The following IFT25 variants were observed in gnomAD, a reference collection of about 807,000 sequenced individuals.
IFT25 encodes the protein intraflagellar transport protein 25 homolog.
chr1:53,931,440 G>A, the IFT25 span, among the ~76,000 whole-genome samples: 1 of 152,270 alleles, frequency 6.6e-6, no homozygotes. Context: ...TCAGGATAAT[G>A]TTGTTCTCAT....
At chr1:53,911,772 G>A in the IFT25 span, among the ~76,000 whole-genome samples, 1 of 152,078 alleles carries the variant, frequency 6.6e-6, no homozygotes, top group Non-Finnish European at 1.5e-5. Flanking sequence ...CTGCCAGCTG[G>A]GTGACTTTGA....
the IFT25 span, among the ~76,000 whole-genome samples, chr1:53,921,982 A>T: frequency 6.6e-6 from 1 of 152,186 alleles, no homozygotes; most frequent in Non-Finnish European, 1.5e-5. Flanking sequence ...TGCAACTCTC[A>T]TTTTTTGTAG....
the IFT25 span, among the ~76,000 whole-genome samples, chr1:53,939,263 C>T: frequency 2.0e-5 from 3 of 148,444 alleles, no homozygotes; most frequent in Admixed American, 6.7e-5. Flanking sequence ...TGGTAGTGCA[C>T]GCCTGTAGTC....
chr1:53,941,592 A>G, the IFT25 span, among the ~76,000 whole-genome samples: 1 of 152,226 alleles, frequency 6.6e-6, no homozygotes. Flanking sequence ...TTGATACCAG[A>G]GAACCAGTCA....
chr1:53,941,754 A>G, the IFT25 span, among the ~76,000 whole-genome samples: 1 of 152,214 alleles, frequency 6.6e-6, no homozygotes, highest in African/African-American at 2.4e-5. Context: ...AAATGTAACC[A>G]AGGAAGTACT....
At chr1:53,934,559 C>T in the IFT25 span, among the ~76,000 whole-genome samples, 1 of 152,076 alleles carries the variant, frequency 6.6e-6, no homozygotes, top group Non-Finnish European at 1.5e-5. Context: ...AAAAATTCAG[C>T]TCAAAAGTAG....
the IFT25 span, chr1:53,916,966 A>AC: frequency 6.6e-6 from 2 of 305,222 alleles, no homozygotes; most frequent in Non-Finnish European, 1.2e-5. Flanking sequence ...ACATGGCAAA[A>AC]CCCCATCTTT....
the IFT25 span, chr1:53,929,802 G>A: frequency 1.1e-5 from 5 of 473,826 alleles, no homozygotes; most frequent in South Asian, 1.2e-4. Context: ...GAAGGGTTTC[G>A]AATTTGCAGT....
chr1:53,942,039 C>A, the IFT25 span, among the ~76,000 whole-genome samples: 7 of 152,276 alleles, frequency 4.6e-5, no homozygotes, highest in South Asian at 1.2e-3. Flanking sequence ...CTATCCTTAT[C>A]CTACTCAACA....
the IFT25 span, among the ~76,000 whole-genome samples, chr1:53,913,401 C>T: frequency 6.6e-6 from 1 of 152,178 alleles, no homozygotes; most frequent in Non-Finnish European, 1.5e-5. Context: ...GGCTCTGCTT[C>T]TAGAGAACCT....
the IFT25 span, among the ~76,000 whole-genome samples, chr1:53,924,531 A>T: frequency 6.6e-6 from 1 of 152,216 alleles, no homozygotes; most frequent in African/African-American, 2.4e-5. Flanking sequence ...GAAAGATTTA[A>T]TTGCTATAAT....
At chr1:53,916,533 G>A in the IFT25 span, 1 of 163,952 alleles carries the variant, frequency 6.1e-6, no homozygotes, top group Non-Finnish European at 1.3e-5. Flanking sequence ...TACACAAAGA[G>A]TTATTGCCAT....
chr1:53,933,036 T>C, the IFT25 span, among the ~76,000 whole-genome samples: 1 of 152,228 alleles, frequency 6.6e-6, no homozygotes, highest in African/African-American at 2.4e-5. Context: ...TGTGAATTTG[T>C]CTATTTCTCC....
At chr1:53,918,060 T>C in the IFT25 span, among the ~76,000 whole-genome samples, 2 of 152,212 alleles carry the variant, frequency 1.3e-5, no homozygotes, top group Non-Finnish European at 2.9e-5. Context: ...GGCTAGGTTA[T>C]ACTGTGGTAA....
chr1:53,920,336 A>G, the IFT25 span, among the ~76,000 whole-genome samples: 1 of 150,460 alleles, frequency 6.6e-6, no homozygotes, highest in Non-Finnish European at 1.5e-5. Flanking sequence ...TTCACTTTTA[A>G]ATATATTCAG....
chr1:53,927,612 T>C, the IFT25 span, among the ~76,000 whole-genome samples: 58 of 152,344 alleles, frequency 3.8e-4, no homozygotes, highest in African/African-American at 1.2e-3. Context: ...TAGAGTCTGA[T>C]TACTCTGTAA....
chr1:53,920,119 TATC>T, the IFT25 span, among the ~76,000 whole-genome samples: 1 of 152,186 alleles, frequency 6.6e-6, no homozygotes, highest in Non-Finnish European at 1.5e-5. Flanking sequence ...TCTCTAATTC[TATC>T]ATATCTTCCA....
the IFT25 span, among the ~76,000 whole-genome samples, chr1:53,922,674 C>T: frequency 1.3e-5 from 2 of 151,952 alleles, 1 homozygote; most frequent in East Asian, 3.9e-4. Flanking sequence ...CTGTGTATTA[C>T]AGAGGGGACA....
At chr1:53,931,172 G>A in the IFT25 span, among the ~76,000 whole-genome samples, 4 of 152,166 alleles carry the variant, frequency 2.6e-5, no homozygotes, top group South Asian at 4.1e-4. Flanking sequence ...GTTTCCATTC[G>A]TGATTTTGTT....
Sources: allele counts gnomAD v4.1 joint callset (sites outside exome capture counted in the v4.1 genomes callset), GRCh38; gene constraint gnomAD v4.1.1; transcripts MANE v1.5; gene names NCBI Gene and HGNC (gene_info 2026-07-23, HGNC 2026-07-21).